SH3RF2: variants seen among roughly 807,000 people sequenced by gnomAD.
SH3RF2 encodes SH3 domain containing ring finger 2.
In SH3RF2, 43 loss-of-function variants were observed where a neutral mutation model predicts 59.0. The observed-to-expected ratio is 0.73, with a 90% confidence interval of 0.57 to 0.94. The LOEUF is 0.94. SH3RF2 is among the 40% of genes least tolerant of loss of function. SH3RF2 has a pLI of 0.00. For missense variants in SH3RF2, 930 were observed against 940.1 expected, an observed-to-expected ratio of 0.99 and a Z score of 0.14; for synonymous variants, 391 against 391.5, an observed-to-expected ratio of 1.00 and a Z score of 0.01.
intron 5 of SH3RF2, chr5:146,042,948 T>A (rs897080425): frequency 2.6e-5 from 4 of 152,224 alleles, no homozygotes; most frequent in Middle Eastern, 3.2e-3. Flanking sequence ...GAACCTCCCA[T>A]CCAGCCTCAC....
intron 2 of SH3RF2, among the ~76,000 whole-genome samples, chr5:145,948,426 G>A (rs774611867): frequency 9.2e-5 from 14 of 152,182 alleles, no homozygotes; most frequent in Admixed American, 3.9e-4. Flanking sequence ...AACACCGCTC[G>A]CTTTGGAAAA....
At chr5:145,954,128 G>A (rs528864721) in intron 2 of SH3RF2, among the ~76,000 whole-genome samples, 95 of 152,212 alleles carry the variant, frequency 6.2e-4, no homozygotes, top group African/African-American at 1.8e-3. Flanking sequence ...TTGAGGAATC[G>A]CCATATGGCT....
chr5:145,986,878 G>A (rs1759728592), intron 2 of SH3RF2, among the ~76,000 whole-genome samples: 1 of 152,206 alleles, frequency 6.6e-6, no homozygotes, highest in Non-Finnish European at 1.5e-5. Context: ...CTGCCCAGGT[G>A]ATGTAAACTC....
At chr5:146,010,030 C>T (rs907501181) in intron 4 of SH3RF2, among the ~76,000 whole-genome samples, 1 of 151,736 alleles carries the variant, frequency 6.6e-6, no homozygotes, top group African/African-American at 2.4e-5. Flanking sequence ...CCTCCCCACT[C>T]CCCCCACCCC....
At chr5:146,052,258 G>A (rs192240502) in intron 7 of SH3RF2, among the ~76,000 whole-genome samples, 17 of 152,234 alleles carry the variant, frequency 1.1e-4, no homozygotes, top group South Asian at 1.0e-3. Flanking sequence ...AAATCAAGCC[G>A]TGTGGTCATC....
At chr5:145,972,886 C>T (rs1041983183) in intron 2 of SH3RF2, among the ~76,000 whole-genome samples, 1 of 152,244 alleles carries the variant, frequency 6.6e-6, no homozygotes, top group South Asian at 2.1e-4. Context: ...GTACTTTGTT[C>T]TATTTGCTGT....
chr5:146,049,207 C>A lies in SH3RF2; in HGVS notation c.1284C>A (p.Val428=), dbSNP rs200330959. The A allele has an allele frequency of 9.3e-6, 15 of 1,613,478 alleles. No homozygotes were observed. Among genetic ancestry groups the A allele is most frequent in the Non-Finnish European group, 1.2e-5 (14 of 1,179,762 alleles). The change falls in exon 7 of 10, where the codon GTC becomes GTA. Residue 428 remains valine (V), a synonymous_variant. Coordinates refer to ENST00000359120, the MANE Select transcript of SH3RF2 (RefSeq NM_152550.4). ...LRGVSLVTGR[V]GIFPNNYVIP... is the part of the protein sequence containing the mutation. ...GCGTCTCCTTGGTCACCGGGCGAGT[C>A]GGCATCTTCCCAAACAATTACGTCA... is the stretch of plus-strand genomic sequence containing the variant.
At chr5:146,041,685 C>A (rs1330041642) in intron 5 of SH3RF2, among the ~76,000 whole-genome samples, 5 of 152,144 alleles carry the variant, frequency 3.3e-5, no homozygotes, top group Admixed American at 2.6e-4. Flanking sequence ...GTAATCCCAG[C>A]ACTTTGGGAG....
intron 2 of SH3RF2, chr5:145,997,749 T>C: frequency 1.3e-6 from 2 of 1,578,340 alleles, no homozygotes; most frequent in Non-Finnish European, 1.7e-6. Flanking sequence ...TAAATCATTG[T>C]GGACAAAAAG....
downstream of SH3RF2, among the ~76,000 whole-genome samples, chr5:146,068,166 C>T (rs1167125220): frequency 1.3e-5 from 2 of 152,214 alleles, no homozygotes; most frequent in East Asian, 1.9e-4. Flanking sequence ...CTCAGCAATG[C>T]CTGTGAGCTT....
At chr5:146,067,240 A>T (rs1332021042), downstream of SH3RF2, among the ~76,000 whole-genome samples, 1 of 152,178 alleles carries the variant, frequency 6.6e-6, no homozygotes, top group African/African-American at 2.4e-5. Flanking sequence ...TGTCTTGAAA[A>T]GTCAGGGGGT....
intron 8 of SH3RF2, among the ~76,000 whole-genome samples, chr5:146,057,737 C>T (rs1762718776): frequency 6.6e-6 from 1 of 152,000 alleles, no homozygotes; most frequent in African/African-American, 2.4e-5. Flanking sequence ...CTCAGGAGTT[C>T]AAGACCAGCC....
chr5:145,997,346 G>A lies in SH3RF2; in HGVS notation c.379-2712G>A, dbSNP rs73312189. The stretch of plus-strand genomic sequence containing the variant: ...AGCTCCCCGTATATACTGCACCACC[G>A]CTCCAGTCTAAATATGTTGAAGAGC... On this transcript the variant is annotated intron_variant, in intron 2 of 9. Coordinates refer to ENST00000359120, the MANE Select transcript of SH3RF2 (RefSeq NM_152550.4). 6.8e-4 allele frequency: 783 copies of A among 1,158,190 alleles called. 4 individuals carry two copies. In the African/African-American group the frequency reaches 0.01, roughly 15 times the overall value. 71.7% of individuals were successfully genotyped at this position (1,158,190 alleles called of 1,614,324 possible). A position where few individuals can be genotyped will look rare whatever the true frequency, so the allele number is the denominator to read the frequency against.
intron 5 of SH3RF2, among the ~76,000 whole-genome samples, chr5:146,045,130 C>T (rs1353431629): frequency 6.6e-6 from 1 of 152,182 alleles, no homozygotes. Flanking sequence ...TTTCCACATA[C>T]ATAAGCCCTG....
At chr5:146,012,694 A>T (rs962986868) in intron 4 of SH3RF2, among the ~76,000 whole-genome samples, 2 of 152,130 alleles carry the variant, frequency 1.3e-5, no homozygotes, top group Non-Finnish European at 2.9e-5. Flanking sequence ...GAGTTATTGC[A>T]CTAACTCTTG....
intron 5 of SH3RF2, among the ~76,000 whole-genome samples, chr5:146,017,503 C>G (rs1035921581): frequency 2.0e-5 from 3 of 152,002 alleles, no homozygotes; most frequent in African/African-American, 7.3e-5. Context: ...AGTTTCTGCT[C>G]CTCAATATGC....
In SH3RF2 at chr5:146,056,393, G is replaced by A. The variant is rs560000282; in HGVS notation, c.1555+180G>A. Among the ~76,000 whole-genome samples the A allele has an allele frequency of 3.3e-5, 5 of 152,358 alleles. No individual in the cohort carries two copies. The East Asian group carries it at 7.7e-4, about 23-fold the overall frequency. On this transcript the variant is annotated intron_variant, in intron 8 of 9. Coordinates refer to ENST00000359120, the MANE Select transcript of SH3RF2 (RefSeq NM_152550.4). ...GAATGAAGTCATACCAACTCAAGGT[G>A]ATGGCCCTAGGTTACTTCATACATG... is the stretch of plus-strand genomic sequence containing the variant.
At chr5:145,980,868 A>G (rs1759479426) in intron 2 of SH3RF2, among the ~76,000 whole-genome samples, 1 of 152,184 alleles carries the variant, frequency 6.6e-6, no homozygotes, top group Non-Finnish European at 1.5e-5. Context: ...ACAATTATCA[A>G]CATAAGGTCA....
chr5:146,007,691 G>C (rs758038), intron 4 of SH3RF2, among the ~76,000 whole-genome samples: 107,597 of 152,068 alleles, frequency 0.71, 39,767 homozygotes, highest in African/African-American at 0.93. Flanking sequence ...TTTGGATACA[G>C]TTTCCTGACA....
Sources: allele counts gnomAD v4.1 joint callset (sites outside exome capture counted in the v4.1 genomes callset), GRCh38; gene constraint gnomAD v4.1.1; transcripts MANE v1.5; gene names NCBI Gene and HGNC (gene_info 2026-07-23, HGNC 2026-07-21).